The following LINGO2 variants were observed in gnomAD, a reference collection of about 807,000 sequenced individuals.
LINGO2 encodes the protein leucine-rich repeat and immunoglobulin-like domain-containing nogo receptor-interacting protein 2.
In LINGO2, 14 loss-of-function variants were observed where a neutral mutation model predicts 30.6. That is an observed-to-expected ratio of 0.46 (90% CI 0.30 to 0.72). The LOEUF is 0.72. LINGO2 is among the 30% of genes least tolerant of loss of function. LINGO2 has a pLI of 0.07. For missense variants in LINGO2, 729 were observed against 751.7 expected (o/e 0.97, Z 0.35); for synonymous variants, 317 against 288.5 (o/e 1.10, Z -1.00).
intron 5 of LINGO2, among the ~76,000 whole-genome samples, chr9:27,964,348 A>C (rs975804717): frequency 8.5e-5 from 13 of 152,150 alleles, no homozygotes; most frequent in African/African-American, 2.9e-4. Context: ...CCTTTCAATT[A>C]GCTATATGCT....
intron 2 of LINGO2, among the ~76,000 whole-genome samples, chr9:28,456,346 G>A (rs976585911): frequency 6.6e-5 from 10 of 152,146 alleles, no homozygotes; most frequent in African/African-American, 9.7e-5. Flanking sequence ...CTTCTATACT[G>A]GATTGACTCA....
the LINGO2 span, among the ~76,000 whole-genome samples, chr9:29,110,744 G>A: frequency 1.6e-4 from 24 of 151,684 alleles, no homozygotes; most frequent in African/African-American, 5.8e-4. Context: ...AGGCTGGAGT[G>A]CAGTGGTGCG....
At chr9:28,614,831 A>G (rs1286700913) in intron 1 of LINGO2, among the ~76,000 whole-genome samples, 2 of 152,136 alleles carry the variant, frequency 1.3e-5, no homozygotes, top group African/African-American at 4.8e-5. Flanking sequence ...TGTTACAGTC[A>G]GGGTTTTAAC....
At chr9:28,649,211 C>T (rs535917707) in intron 1 of LINGO2, among the ~76,000 whole-genome samples, 3 of 152,218 alleles carry the variant, frequency 2.0e-5, no homozygotes, top group East Asian at 3.9e-4. Context: ...AAAAAGCATA[C>T]TCCCAGAAAA....
chr9:29,199,066 T>C, the LINGO2 span, among the ~76,000 whole-genome samples: 4 of 152,176 alleles, frequency 2.6e-5, no homozygotes, highest in East Asian at 7.7e-4. Context: ...TAATGGTTGT[T>C]GCGGGCCTGT....
At chr9:28,439,265 GTA>G (rs563512444) in intron 2 of LINGO2, among the ~76,000 whole-genome samples, 3 of 150,520 alleles carry the variant, frequency 2.0e-5, no homozygotes, top group African/African-American at 7.4e-5. Context: ...ATATGTATAT[GTA>G]TATATATGTG....
chr9:28,489,896 C>CAAAAAAAAAAA (rs36068240), intron 1 of LINGO2, among the ~76,000 whole-genome samples: 5 of 66,910 alleles, frequency 7.5e-5, no homozygotes, highest in African/African-American at 1.7e-4. Flanking sequence ...GACTTTGTCT[C>CAAAAAAAAAAA]AAAAAAAAAA....
At chr9:29,068,520 A>G in the LINGO2 span, among the ~76,000 whole-genome samples, 1 of 151,824 alleles carries the variant, frequency 6.6e-6, no homozygotes, top group African/African-American at 2.4e-5. Context: ...AAAGCAATTG[A>G]CATATTTTCT....
the LINGO2 span, among the ~76,000 whole-genome samples, chr9:28,847,845 C>T: frequency 9.3e-6 from 1 of 107,970 alleles, no homozygotes; most frequent in Non-Finnish European, 1.8e-5. Context: ...TATATATACA[C>T]ATATATGTAT....
At chr9:28,051,850 C>T (rs1375179114) in intron 4 of LINGO2, among the ~76,000 whole-genome samples, 1 of 152,042 alleles carries the variant, frequency 6.6e-6, no homozygotes, top group Non-Finnish European at 1.5e-5. Context: ...AAACAGGATA[C>T]AGTCTGTCCA....
the LINGO2 span, among the ~76,000 whole-genome samples, chr9:28,857,529 C>T: frequency 9.0e-3 from 1,363 of 152,050 alleles, 21 homozygotes; most frequent in African/African-American, 0.032. Context: ...ATTCGAGAGC[C>T]CATGCTCATA....
chr9:28,863,507 A>T, the LINGO2 span: 1 of 412,480 alleles, frequency 2.4e-6, no homozygotes, highest in South Asian at 1.7e-5. Flanking sequence ...AGGATTCTAG[A>T]GTATATTTAC....
chr9:28,301,986 C>G (rs751315120), intron 3 of LINGO2, among the ~76,000 whole-genome samples: 17 of 152,148 alleles, frequency 1.1e-4, no homozygotes, highest in Admixed American at 3.9e-4. Flanking sequence ...TAAGCTTCCT[C>G]TGTGAAGGAG....
the LINGO2 span, among the ~76,000 whole-genome samples, chr9:28,871,250 C>A: frequency 2.0e-5 from 3 of 151,356 alleles, no homozygotes; most frequent in South Asian, 6.2e-4. Context: ...TAAAATACAG[C>A]AAATCTATAT....
intron 5 of LINGO2, among the ~76,000 whole-genome samples, chr9:27,964,244 A>C (rs975491331): frequency 6.6e-6 from 1 of 152,136 alleles, no homozygotes. Flanking sequence ...GTTATATATT[A>C]TAACATATTT....
intron 3 of LINGO2, among the ~76,000 whole-genome samples, chr9:28,321,943 T>C (rs1412241): frequency 0.5 from 76,284 of 151,920 alleles, 19,198 homozygotes; most frequent in South Asian, 0.58. Context: ...AATTTAATTT[T>C]GATGCATATT....
the LINGO2 span, among the ~76,000 whole-genome samples, chr9:28,848,053 A>ATACAC: frequency 7.0e-5 from 1 of 14,258 alleles, no homozygotes. Context: ...TAGTATATAT[A>ATACAC]TATATATATG....
At chr9:29,138,722 G>T in the LINGO2 span, among the ~76,000 whole-genome samples, 1 of 152,130 alleles carries the variant, frequency 6.6e-6, no homozygotes, top group African/African-American at 2.4e-5. Context: ...TAGGAACAGT[G>T]TAGGCCTCAG....
chr9:28,990,178 A>T, the LINGO2 span, among the ~76,000 whole-genome samples: 26 of 152,050 alleles, frequency 1.7e-4, no homozygotes, highest in South Asian at 4.1e-4. Flanking sequence ...GACAGGATTA[A>T]AAAAAGGCAC....
Sources: gnomAD v4.1 joint callset for allele counts (sites outside exome capture counted in the v4.1 genomes callset) on GRCh38, gnomAD v4.1.1 for gene constraint, MANE v1.5 for transcripts, NCBI Gene and HGNC (gene_info 2026-07-23, HGNC 2026-07-21) for gene names.